CAMKMT: variants seen among roughly 807,000 people sequenced by gnomAD.
The protein encoded by CAMKMT is calmodulin-lysine N-methyltransferase.
A neutral mutation model predicts 48.0 loss-of-function variants in CAMKMT; 53 were observed. The observed-to-expected ratio is 1.10, with a 90% CI of 0.89 to 1.39. The LOEUF (loss-of-function observed/expected upper bound fraction) is 1.39. Ranked by LOEUF, CAMKMT falls within the 40% of genes most tolerant of loss-of-function variation. CAMKMT has a pLI of 0.00. For synonymous variants in CAMKMT, 165 were observed against 152.3 expected, an observed-to-expected ratio of 1.08 and a Z score of -0.61; for missense variants, 428 against 402.7, an observed-to-expected ratio of 1.06 and a Z score of -0.54.
At chr2:44,499,318 C>T (rs1669901525) in intron 3 of CAMKMT, among the ~76,000 whole-genome samples, 1 of 152,184 alleles carries the variant, frequency 6.6e-6, no homozygotes, top group Non-Finnish European at 1.5e-5. Context: ...GACCTCTTTT[C>T]TGTCTATTAC....
At chr2:44,634,912 T>C (rs1424576395) in intron 3 of CAMKMT, among the ~76,000 whole-genome samples, 1 of 152,002 alleles carries the variant, frequency 6.6e-6, no homozygotes, top group East Asian at 1.9e-4. Flanking sequence ...ATTCATTTAA[T>C]AAATGTGTCT....
chr2:44,722,559 T>A (rs969226685), intron 7 of CAMKMT, among the ~76,000 whole-genome samples: 1 of 152,088 alleles, frequency 6.6e-6, no homozygotes, highest in African/African-American at 2.4e-5. Flanking sequence ...ATCAGAACAA[T>A]TTTTACCCCA....
chr2:44,521,565 C>G (rs560192220), intron 3 of CAMKMT, among the ~76,000 whole-genome samples: 124 of 152,358 alleles, frequency 8.1e-4, no homozygotes, highest in African/African-American at 2.9e-3. Context: ...AGGCCTGAGC[C>G]ATCACGCCCG....
At chr2:44,467,124 C>T (rs1668157525) in intron 3 of CAMKMT, among the ~76,000 whole-genome samples, 1 of 150,294 alleles carries the variant, frequency 6.7e-6, no homozygotes, top group Non-Finnish European at 1.5e-5. Context: ...CATGGTGGCA[C>T]ATAGCTGCAG....
At chr2:44,423,833 GC>G (rs1684089987) in intron 3 of CAMKMT, among the ~76,000 whole-genome samples, 1 of 152,030 alleles carries the variant, frequency 6.6e-6, no homozygotes, top group Admixed American at 6.5e-5. Flanking sequence ...CTTCTTAGAG[GC>G]CAACATTTTT....
At chr2:44,407,247 A>G (rs1269454246) in intron 3 of CAMKMT, among the ~76,000 whole-genome samples, 5 of 152,134 alleles carry the variant, frequency 3.3e-5, no homozygotes, top group Non-Finnish European at 7.3e-5. Flanking sequence ...AGCTTTCAGC[A>G]GACTTTGCAC....
intron 3 of CAMKMT, among the ~76,000 whole-genome samples, chr2:44,693,229 C>A (rs1423360839): frequency 6.6e-6 from 1 of 152,210 alleles, no homozygotes; most frequent in Non-Finnish European, 1.5e-5. Flanking sequence ...GAATTATCTT[C>A]TAAACAGTAT....
rs548252601 is a variant in CAMKMT at position 44,647,091 on chromosome 2, G to A, written c.377-57192G>A. On this transcript the variant is annotated intron_variant, in intron 3 of 10. Transcript: ENST00000378494. Reference sequence around the variant, plus strand: ...AGGCGGGCAGAACACGAGGTCAGGAGATCAAGACCATCCTGGCTAACATGG... The same window carrying A: ...AGGCGGGCAGAACACGAGGTCAGGAAATCAAGACCATCCTGGCTAACATGG... 3.3e-5 allele frequency among the ~76,000 whole-genome samples: 5 copies of A among 152,274 alleles called. No individual in the cohort carries two copies. The East Asian group carries it at 7.7e-4, about 24-fold the overall frequency.
At position 44,428,656 on chromosome 2, in the gene CAMKMT, G is replaced by A. The variant is rs180865892; in HGVS notation, c.376+38351G>A. Reference sequence around the variant, plus strand: ...AGTCCAAGGTTTTTCTTGAATTTTTGTATGTTTGTGTATATGTATATTTTA... The same window carrying A: ...AGTCCAAGGTTTTTCTTGAATTTTTATATGTTTGTGTATATGTATATTTTA... On this transcript the variant is annotated intron_variant, in intron 3 of 10. Transcript: ENST00000378494. Among the ~76,000 whole-genome samples, 554 of 152,196 alleles carry A rather than the reference G, an allele frequency of 3.6e-3. 3 individuals carry two copies. The highest frequency in any genetic ancestry group is 0.013 in the African/African-American group (534 of 41,528).
At chr2:44,472,273 C>T (rs1271414428) in intron 3 of CAMKMT, among the ~76,000 whole-genome samples, 2 of 152,106 alleles carry the variant, frequency 1.3e-5, no homozygotes, top group African/African-American at 2.4e-5. Flanking sequence ...TGGGGTTTCA[C>T]TCTGTTAGCC....
chr2:44,511,124 A>T (rs1437244593), intron 3 of CAMKMT, among the ~76,000 whole-genome samples: 1 of 152,138 alleles, frequency 6.6e-6, no homozygotes, highest in Non-Finnish European at 1.5e-5. Flanking sequence ...TACAGGCGTG[A>T]GCCACTGTGC....
chr2:44,594,247 T>G (rs957725402), intron 3 of CAMKMT, among the ~76,000 whole-genome samples: 2 of 152,214 alleles, frequency 1.3e-5, no homozygotes, highest in African/African-American at 4.8e-5. Context: ...CGAAGTAATT[T>G]ATAAATTCAA....
intron 3 of CAMKMT, among the ~76,000 whole-genome samples, chr2:44,398,782 C>T (rs570953547): frequency 6.6e-6 from 1 of 152,090 alleles, no homozygotes; most frequent in South Asian, 2.1e-4. Context: ...ATAGCCTTTC[C>T]ACAGAGAATT....
chr2:44,699,064 A>C (rs1211783481), intron 3 of CAMKMT, among the ~76,000 whole-genome samples: 1 of 152,152 alleles, frequency 6.6e-6, no homozygotes, highest in East Asian at 1.9e-4. Context: ...TTCTCATTCT[A>C]GTTCTCTTGC....
At chr2:44,385,104 A>G (rs1025326185) in intron 2 of CAMKMT, among the ~76,000 whole-genome samples, 4 of 152,078 alleles carry the variant, frequency 2.6e-5, no homozygotes, top group African/African-American at 7.2e-5. Context: ...GATTCTACCT[A>G]TCCATGAGCA....
intron 3 of CAMKMT, among the ~76,000 whole-genome samples, chr2:44,597,400 A>G (rs1670727361): frequency 6.6e-6 from 1 of 152,226 alleles, no homozygotes; most frequent in Non-Finnish European, 1.5e-5. Context: ...TCCACAATTA[A>G]TAATAACATC....
chr2:44,715,641 G>T (rs1183104630), intron 7 of CAMKMT, among the ~76,000 whole-genome samples: 3 of 152,320 alleles, frequency 2.0e-5, no homozygotes, highest in African/African-American at 7.2e-5. Context: ...GGAGAAGCCA[G>T]GCCTGGGAAC....
chr2:44,754,189 G>C, intron 9 of CAMKMT, 71 bp downstream of exon 9: 1 of 1,166,106 alleles, frequency 8.6e-7, no homozygotes, highest in Non-Finnish European at 1.3e-6. Flanking sequence ...GATGGAGAGA[G>C]TAATGGAATG....
intron 3 of CAMKMT, among the ~76,000 whole-genome samples, chr2:44,532,594 T>A (rs1280854999): frequency 6.6e-6 from 1 of 152,026 alleles, no homozygotes; most frequent in African/African-American, 2.4e-5. Context: ...AAATAAACAG[T>A]GACAATGCAT....
Sources: allele counts gnomAD v4.1 joint callset (sites outside exome capture counted in the v4.1 genomes callset), GRCh38; gene constraint gnomAD v4.1.1; transcripts MANE v1.5; gene names NCBI Gene and HGNC (gene_info 2026-07-23, HGNC 2026-07-21).